The following MCC variants were observed in gnomAD, a reference collection of about 807,000 sequenced individuals.
The protein encoded by MCC is MCC regulator of Wnt signaling pathway.
MCC carries 90 observed loss-of-function variants against 116.2 expected under a neutral mutation model. That is an observed-to-expected ratio of 0.77 (90% confidence interval 0.65 to 0.92). The LOEUF (loss-of-function observed/expected upper bound fraction) is 0.92, where lower values mean the gene tolerates loss of function less well. MCC is among the 40% of genes least tolerant of loss of function. The pLI is 0.00. For synonymous variants in MCC, 578 were observed against 510.5 expected, an observed-to-expected ratio of 1.13 and a Z score of -1.78; for missense variants, 1,516 against 1,312.2, an observed-to-expected ratio of 1.16 and a Z score of -2.40.
At chr5:113,407,788 C>A (rs1377095868) in intron 1 of MCC, among the ~76,000 whole-genome samples, 1 of 152,060 alleles carries the variant, frequency 6.6e-6, no homozygotes, top group East Asian at 1.9e-4. Context: ...TGATGCTCTC[C>A]CTTCCCTCGC....
In MCC at chr5:113,085,143, G is replaced by A. The variant is rs201281129; in HGVS notation, c.1545+21C>T. On this transcript the variant is annotated intron_variant, in intron 9 of 18. Transcript: ENST00000408903. ...TAACAGGAGGTGTTCCCGCTCATCG[G>A]GTCCATCCCCAGGAACTCACCTTGG... 3.0e-4 allele frequency: 486 copies of A among 1,613,994 alleles called. 3 individuals carry two copies. In the African/African-American group the frequency reaches 6.1e-3, roughly 20 times the overall value.
rs7734300 is a variant in MCC at position 113,076,061 on chromosome 5, C to T, written c.1785-4827G>A. ...TCAGAAGGAACAAACTCCAGACACA[C>T]CATCTTTAAGAACTGTAACACTCAC... is the stretch of plus-strand genomic sequence containing the variant. On this transcript the variant is annotated intron_variant, in intron 11 of 18. Coordinates refer to ENST00000408903, the MANE Select transcript of MCC (RefSeq NM_001085377.2). 2.0e-5 allele frequency among the ~76,000 whole-genome samples: 3 copies of T among 152,178 alleles called. No individual in the cohort carries two copies. In the South Asian group the frequency reaches 6.2e-4, roughly 32 times the overall value.
intron 3 of MCC, among the ~76,000 whole-genome samples, chr5:113,262,426 C>T (rs1344103390): frequency 6.6e-6 from 1 of 152,130 alleles, no homozygotes; most frequent in Non-Finnish European, 1.5e-5. Context: ...TGACTGCAAA[C>T]CTGTTAGGGC....
At chr5:113,313,320 G>A (rs771678987) in intron 3 of MCC, among the ~76,000 whole-genome samples, 1 of 152,104 alleles carries the variant, frequency 6.6e-6, no homozygotes, top group African/African-American at 2.4e-5. Flanking sequence ...GCACTCCAGC[G>A]TGGTGACAGC....
chr5:113,372,036 A>G (rs1768848282), intron 2 of MCC, among the ~76,000 whole-genome samples: 1 of 152,246 alleles, frequency 6.6e-6, no homozygotes, highest in Non-Finnish European at 1.5e-5. Flanking sequence ...CATAAAAACA[A>G]TGACACTTAA....
intron 3 of MCC, among the ~76,000 whole-genome samples, chr5:113,187,824 T>A (rs113631867): frequency 0.03 from 4,458 of 148,096 alleles, 247 homozygotes; most frequent in African/African-American, 0.1. Context: ...GTGACCAAAA[T>A]AGAACATCAA....
intron 14 of MCC, among the ~76,000 whole-genome samples, chr5:113,060,334 T>A (rs903373664): frequency 1.2e-4 from 19 of 152,200 alleles, no homozygotes; most frequent in Non-Finnish European, 1.5e-5. Context: ...TTTGTATTTT[T>A]AATAGCAACA....
At chr5:113,088,987 T>C (rs954759837) in intron 8 of MCC, among the ~76,000 whole-genome samples, 2 of 152,082 alleles carry the variant, frequency 1.3e-5, no homozygotes, top group African/African-American at 4.8e-5. Flanking sequence ...CTACAAAATA[T>C]ATATTTTGGA....
intron 3 of MCC, among the ~76,000 whole-genome samples, chr5:113,163,121 G>T (rs115841432): frequency 0.013 from 1,917 of 152,188 alleles, 49 homozygotes; most frequent in African/African-American, 0.042. Context: ...TGCACCCTCT[G>T]CCTCATGGGT....
chr5:113,288,083 C>T (rs1766331168), intron 3 of MCC, among the ~76,000 whole-genome samples: 1 of 152,256 alleles, frequency 6.6e-6, no homozygotes, highest in South Asian at 2.1e-4. Flanking sequence ...TGATCTACTG[C>T]ACCTGATCCA....
chr5:113,397,853 C>A (rs761304816), intron 1 of MCC, among the ~76,000 whole-genome samples: 14 of 152,150 alleles, frequency 9.2e-5, no homozygotes, highest in Non-Finnish European at 1.8e-4. Context: ...CCTAATTAAA[C>A]AAAAGAGCTG....
chr5:113,351,815 T>C (rs1013780043), intron 2 of MCC, among the ~76,000 whole-genome samples: 22 of 152,246 alleles, frequency 1.4e-4, no homozygotes, highest in Non-Finnish European at 2.6e-4. Context: ...CCCATAAATA[T>C]ATATACCTAA....
intron 1 of MCC, among the ~76,000 whole-genome samples, chr5:113,404,329 T>C (rs1337349567): frequency 6.6e-6 from 1 of 152,216 alleles, no homozygotes; most frequent in Non-Finnish European, 1.5e-5. Flanking sequence ...GAAATAAGTC[T>C]GTTTTCTTAA....
At chr5:113,251,032 T>A (rs1764781539) in intron 3 of MCC, among the ~76,000 whole-genome samples, 1 of 152,128 alleles carries the variant, frequency 6.6e-6, no homozygotes, top group Admixed American at 6.5e-5. Flanking sequence ...TCCAGAGGGG[T>A]TTCTTAAGGT....
At chr5:113,185,172 G>T (rs552234289) in intron 3 of MCC, among the ~76,000 whole-genome samples, 1 of 152,172 alleles carries the variant, frequency 6.6e-6, no homozygotes, top group Non-Finnish European at 1.5e-5. Flanking sequence ...TCCAACTTTG[G>T]ATCCTGACTA....
intron 3 of MCC, among the ~76,000 whole-genome samples, chr5:113,166,279 C>T (rs1199276864): frequency 2.0e-5 from 3 of 152,154 alleles, no homozygotes; most frequent in African/African-American, 7.2e-5. Flanking sequence ...CTAAGTCTGG[C>T]AGTGACTAGA....
intron 7 of MCC, among the ~76,000 whole-genome samples, chr5:113,102,754 C>G (rs1013302950): frequency 6.6e-6 from 1 of 152,186 alleles, no homozygotes; most frequent in Non-Finnish European, 1.5e-5. Flanking sequence ...GAAGCACAAG[C>G]CAGTGGATAA....
intron 1 of MCC, among the ~76,000 whole-genome samples, chr5:113,466,479 C>T (rs2150428325): frequency 6.6e-6 from 1 of 151,974 alleles, no homozygotes; most frequent in Middle Eastern, 3.4e-3. Context: ...TGATGGTTTC[C>T]AGTTTCATCC....
intron 5 of MCC, among the ~76,000 whole-genome samples, chr5:113,134,598 A>T (rs1581132058): frequency 1.0e-4 from 4 of 40,154 alleles, no homozygotes; most frequent in East Asian, 8.6e-4. Context: ...TAAACATTGT[A>T]GGATTTTTTT....
Sources: allele counts gnomAD v4.1 joint callset (sites outside exome capture counted in the v4.1 genomes callset), GRCh38; gene constraint gnomAD v4.1.1; transcripts MANE v1.5; gene names NCBI Gene and HGNC (gene_info 2026-07-23, HGNC 2026-07-21).